Variants in DLL1 observed in about 807,000 individuals in gnomAD.
DLL1 encodes delta like canonical Notch ligand 1.
Under a neutral mutation model 75.1 loss-of-function variants are expected in DLL1, and 9 were observed. That is an observed-to-expected ratio of 0.12 (90% CI 0.07 to 0.21). The LOEUF (loss-of-function observed/expected upper bound fraction) is 0.21, where lower values mean the gene tolerates loss of function less well. DLL1 is among the 10% of genes least tolerant of loss of function. The pLI, the probability that DLL1 is intolerant of heterozygous loss-of-function variation, is 1.00. For synonymous variants in DLL1, 477 were observed against 418.3 expected, an observed-to-expected ratio of 1.14 and a Z score of -1.71; for missense variants, 837 against 1,007.6, an observed-to-expected ratio of 0.83 and a Z score of 2.29.
At position 170,288,276 on chromosome 6, in the gene DLL1, C is replaced by T; in HGVS notation, c.633G>A (p.Val211=). The part of the protein sequence containing the change: ...HFTCGERGEK[V]CNPGWKGPYC... Reference sequence around the variant, plus strand: ...AGGGCCCTTTCCAGCCAGGGTTGCACACTTTCTCCCCACGCTCCCCACAGG... The same window carrying T: ...AGGGCCCTTTCCAGCCAGGGTTGCATACTTTCTCCCCACGCTCCCCACAGG... The change falls in exon 4 of 11, where the codon GTG becomes GTA. Residue 211 remains valine, a synonymous_variant. Coordinates refer to ENST00000366756, the MANE Select transcript of DLL1 (RefSeq NM_005618.4). 6.2e-7 allele frequency: 1 copy of T among 1,614,038 alleles called. No homozygotes were observed. The highest frequency in any genetic ancestry group is 8.5e-7 in the Non-Finnish European group (1 of 1,180,048).
chr6:170,289,978 G>C lies in DLL1; in HGVS notation c.54+108C>G, dbSNP rs1040906201. 4.5e-5 allele frequency: 60 copies of C among 1,333,582 alleles called. No homozygotes were observed. The Admixed American group carries it at 1.9e-3, about 42-fold the overall frequency. The allele number at this position is 1,333,582 out of a possible 1,614,324, so 82.6% of individuals were successfully genotyped here. The stretch of plus-strand genomic sequence containing the variant: ...CCCGGGATTCATCTTCCGGGCCGTG[G>C]CTGGCGCGGCCCGTGCCGCTGTCCG... On this transcript the variant is annotated intron_variant, in intron 1 of 10. Transcript: ENST00000366756.
intron 2 of DLL1, 32 bp downstream of exon 2, chr6:170,289,480 G>A: frequency 6.5e-7 from 1 of 1,527,516 alleles, no homozygotes; most frequent in Non-Finnish European, 8.7e-7. Context: ...CAGCTTCAGG[G>A]CCGGCCCGGC....
chr6:170,289,298 G>A, intron 2 of DLL1: 3 of 775,154 alleles, frequency 3.9e-6, no homozygotes, highest in East Asian at 5.6e-5. Context: ...TCGCCCCAGC[G>A]CGGTCCCCTC....
chr6:170,282,687 G>A lies in DLL1; in HGVS notation c.*187C>T. ...GTCACGGAAGGCAGTGCCGCAGGCG[G>A]CCGGGCCGCGACAGGCTGTCGGCAG... On this transcript the variant is annotated 3_prime_UTR_variant, in exon 11 of 11. Transcript: ENST00000366756. 1 of 897,386 alleles carries A rather than the reference G, an allele frequency of 1.1e-6. No individual in the cohort carries two copies. Among genetic ancestry groups the A allele is most frequent in the Non-Finnish European group, 1.8e-6 (1 of 556,576 alleles). 55.6% of individuals were successfully genotyped at this position (897,386 alleles called of 1,614,324 possible). A position where few individuals can be genotyped will look rare whatever the true frequency, so the allele number is the denominator to read the frequency against.
At position 170,285,692 on chromosome 6, in the gene DLL1, C is replaced by T. The variant is rs201702676; in HGVS notation, c.739G>A (p.Val247Met). The T allele has an allele frequency of 1.9e-6, 3 of 1,614,162 alleles. No homozygotes were observed. Among genetic ancestry groups the T allele is most frequent in the African/African-American group, 1.3e-5 (1 of 75,072 alleles). The change falls in exon 6 of 11, where the codon GTG becomes ATG. Residue 247 changes from valine (V) to methionine (M), a missense_variant. Val to Met is a conservative substitution (Grantham distance 21). Around this residue, in one of 2 missense-constraint regions of DLL1, gnomAD observed 304 missense variants for 461.9 expected, o/e 0.66. Coordinates refer to ENST00000366756, the MANE Select transcript of DLL1 (RefSeq NM_005618.4). ...CDKPGECKCR[V>M]GWQGRYCDEC... ...TCACAGTACCGGCCCTGCCAGCCCA[C>T]TCTGCACCTTGGAGAAAAGCAGAAG... is the stretch of plus-strand genomic sequence containing the variant.
rs1426121568 is a variant in DLL1, at chr6:170,282,410, A to G, written c.*464T>C. 5.2e-6 allele frequency: 1 copy of G among 190,942 alleles called. No individual in the cohort carries two copies. The highest frequency in any genetic ancestry group is 1.1e-5 in the Non-Finnish European group (1 of 91,124). The allele number at this position is 190,942 out of a possible 1,614,324, so 11.8% of individuals were successfully genotyped here. Reference sequence around the variant, plus strand: ...AAAAACGAACATCACAAAATACTCAAGCTTTACAGATATCATGAAAAATAT... The same window carrying G: ...AAAAACGAACATCACAAAATACTCAGGCTTTACAGATATCATGAAAAATAT... On this transcript the variant is annotated 3_prime_UTR_variant, in exon 11 of 11. Transcript: ENST00000366756.
chr6:170,288,551 A>T, intron 3 of DLL1, 55 bp from the exon 4 acceptor site: 1 of 1,614,008 alleles, frequency 6.2e-7, no homozygotes, highest in South Asian at 1.1e-5. Flanking sequence ...GTGACTCGGG[A>T]CAGAGCGGGG....
At chr6:170,288,077 C>G (rs1043137454) in intron 4 of DLL1, 162 bp downstream of exon 4, 2 of 1,053,242 alleles carry the variant, frequency 1.9e-6, no homozygotes, top group East Asian at 2.6e-5. Flanking sequence ...CCCCCACTGA[C>G]GAGCTGTGAC....
intron 2 of DLL1, 27 bp downstream of exon 2, chr6:170,289,485 C>A (rs1188372362): frequency 6.5e-7 from 1 of 1,527,766 alleles, no homozygotes; most frequent in South Asian, 1.2e-5. Context: ...TCAGGGCCGG[C>A]CCGGCGCGCG....
chr6:170,290,014 C>G lies in DLL1; in HGVS notation c.54+72G>C. On this transcript the variant is annotated intron_variant, in intron 1 of 10. Transcript: ENST00000366756. This position sits in a 1 kb window ranked among gnomAD's most constrained non-coding sequence, Gnocchi z 4.7. ...CCGTGCCGCTGTCCGCCCCTCCCCGCGCGCTCCTGCCCCGCGCCCCGGCTA... is the reference window on the plus strand; with the variant it reads ...CCGTGCCGCTGTCCGCCCCTCCCCGGGCGCTCCTGCCCCGCGCCCCGGCTA... The G allele has an allele frequency of 7.2e-7, 1 of 1,398,396 alleles. No individual in the cohort carries two copies. Among genetic ancestry groups the G allele is most frequent in the East Asian group, 2.9e-5 (1 of 34,230 alleles). 86.6% of individuals were successfully genotyped at this position (1,398,396 alleles called of 1,614,324 possible).
At position 170,289,758 on chromosome 6, in the gene DLL1, C is replaced by G. The variant is rs1042779830; in HGVS notation, c.105G>C (p.Lys35Asn). ...FELKLQEFVN[K>N]KGLLGNRNCC... ...AGTTGCGGTTCCCCAGCAGCCCCTT[C>G]TTGTTGACGAACTCCTGCAGCTTCA... is the stretch of plus-strand genomic sequence containing the variant. The change falls in exon 2 of 11, where the codon AAG becomes AAC. Residue 35 changes from lysine to asparagine, a missense_variant. Transcript: ENST00000366756. The G allele has an allele frequency of 1.3e-6, 2 of 1,554,664 alleles. No individual in the cohort carries two copies. Among genetic ancestry groups the G allele is most frequent in the Non-Finnish European group, 1.7e-6 (2 of 1,148,978 alleles).
In DLL1 at chr6:170,289,575, G is replaced by A. The variant is rs917303297; in HGVS notation, c.288C>T (p.Asp96=). ...TGAACGCGGAGTCGGCGCCCCCGCC[G>A]TCGGGCAGACTGAAGGAGTCGACGC... The part of the protein sequence containing the change: ...VLGVDSFSLP[D]GGGADSAFSN... Residue 96 remains aspartate (D), a synonymous_variant, in exon 2 of 11, where the codon GAC becomes GAT. Transcript: ENST00000366756. 2 of 1,534,986 alleles carry A rather than the reference G, an allele frequency of 1.3e-6. No homozygotes were observed. Among genetic ancestry groups the A allele is most frequent in the Non-Finnish European group, 1.7e-6 (2 of 1,146,394 alleles).
chr6:170,285,160 G>A (rs888046033), intron 7 of DLL1, 25 bp from the exon 8 acceptor site: 2 of 1,613,718 alleles, frequency 1.2e-6, no homozygotes, highest in African/African-American at 2.7e-5. Flanking sequence ...GGTCAGAAAA[G>A]GCTTTCCAAA....
chr6:170,285,195 CCATT>C, intron 7 of DLL1, 55 bp downstream of exon 7: 3 of 1,613,920 alleles, frequency 1.9e-6, no homozygotes, highest in South Asian at 2.2e-5. Context: ...CCCACACACT[CCATT>C]CAACACCAGG....
intron 7 of DLL1, 25 bp from the exon 8 acceptor site, chr6:170,285,160 G>GGA (rs1783669313): frequency 1.2e-6 from 2 of 1,613,718 alleles, no homozygotes; most frequent in African/African-American, 2.7e-5. Context: ...GGTCAGAAAA[G>GGA]GCTTTCCAAA....
intron 2 of DLL1, chr6:170,289,201 C>G (rs1562498365): frequency 1.5e-6 from 1 of 646,764 alleles, no homozygotes; most frequent in Non-Finnish European, 2.8e-6. Flanking sequence ...AAACCAGAAC[C>G]TTCCCACGTG....
chr6:170,289,350 G>C (rs1168896185), intron 2 of DLL1, 162 bp downstream of exon 2: 4 of 1,192,414 alleles, frequency 3.4e-6, no homozygotes, highest in East Asian at 5.4e-5. Flanking sequence ...CCGCGCTGCT[G>C]GGCTGGAGTC....
chr6:170,287,743 G>A (rs368902284), intron 4 of DLL1, among the ~76,000 whole-genome samples: 9 of 152,318 alleles, frequency 5.9e-5, no homozygotes, highest in African/African-American at 1.4e-4. Flanking sequence ...TAGACAGTGC[G>A]TGTCACAGGG....
rs1783640524 is a variant in DLL1, at chr6:170,284,037, A to AC, written c.1250-9dup. ...GGTCCACACACTTGGCACCTGGAAC[A>AC]CAGGGACATGAACATCACGTGTCTC... On this transcript the variant is annotated splice_polypyrimidine_tract_variant and intron_variant, in intron 8 of 10. Transcript: ENST00000366756. The AC allele has an allele frequency of 6.4e-6, 10 of 1,561,924 alleles. No individual in the cohort carries two copies. The highest frequency in any genetic ancestry group is 7.7e-6 in the Non-Finnish European group (9 of 1,161,782).
Sources: allele counts gnomAD v4.1 joint callset (sites outside exome capture counted in the v4.1 genomes callset), GRCh38; gene constraint gnomAD v4.1.1; regional missense constraint gnomAD v4.1.1; non-coding constraint Gnocchi (gnomAD v3.1); transcripts MANE v1.5; gene names NCBI Gene and HGNC (gene_info 2026-07-23, HGNC 2026-07-21).